TMEM132C: variants seen among roughly 807,000 people sequenced by gnomAD.
The protein encoded by TMEM132C is transmembrane protein 132C.
TMEM132C carries 29 observed loss-of-function variants against 61.4 expected under a neutral mutation model. That is an observed-to-expected ratio of 0.47 (90% CI 0.35 to 0.64). TMEM132C has a LOEUF of 0.64. Ranked by LOEUF, TMEM132C falls within the 30% of genes least tolerant of loss-of-function variation. The pLI is 0.00. For missense variants in TMEM132C, 1,408 were observed against 1,476.9 expected (o/e 0.95, Z 0.76); for synonymous variants, 656 against 633.1 (o/e 1.04, Z -0.54).
At chr12:128,309,718 CT>C (rs1207171500) in intron 1 of TMEM132C, among the ~76,000 whole-genome samples, 4 of 150,938 alleles carry the variant, frequency 2.7e-5, no homozygotes, top group East Asian at 1.9e-4. Flanking sequence ...CTCTTCATTC[CT>C]TTTTTTCTTT....
chr12:128,350,557 G>A (rs1203231603), intron 1 of TMEM132C, among the ~76,000 whole-genome samples: 1 of 152,100 alleles, frequency 6.6e-6, no homozygotes, highest in African/African-American at 2.4e-5. Flanking sequence ...GTGCATTGGA[G>A]GAAGAGCAAC....
chr12:128,445,727 TG>T (rs1869958487), intron 2 of TMEM132C, among the ~76,000 whole-genome samples: 1 of 152,220 alleles, frequency 6.6e-6, no homozygotes, highest in South Asian at 2.1e-4. Flanking sequence ...TCTCTTTCAG[TG>T]CCCTGGCACT....
chr12:128,401,371 C>G (rs1875151874), intron 1 of TMEM132C, among the ~76,000 whole-genome samples: 1 of 151,750 alleles, frequency 6.6e-6, no homozygotes, highest in Admixed American at 6.6e-5. Flanking sequence ...GTATAGTGCT[C>G]TGTCATAGGC....
At chr12:128,458,492 C>T (rs771930034) in intron 2 of TMEM132C, among the ~76,000 whole-genome samples, 3 of 151,944 alleles carry the variant, frequency 2.0e-5, no homozygotes, top group Admixed American at 6.6e-5. Context: ...GTGCTGGGGA[C>T]GCAGGATTCC....
chr12:128,449,728 A>T (rs1457988518), intron 2 of TMEM132C, among the ~76,000 whole-genome samples: 2 of 152,120 alleles, frequency 1.3e-5, no homozygotes, highest in African/African-American at 4.8e-5. Context: ...TTGTCTCAAA[A>T]ATAGCAGTGG....
intron 3 of TMEM132C, among the ~76,000 whole-genome samples, chr12:128,571,628 C>T (rs1162312528): frequency 6.6e-6 from 1 of 152,118 alleles, no homozygotes; most frequent in African/African-American, 2.4e-5. Flanking sequence ...CTAAGCACCT[C>T]GTGTAAGAGG....
rs1870328287 is a variant in TMEM132C, at chr12:128,267,175, G to A, written c.-228G>A. ...AGGCTGCGGAGGCTGCGGGAGAAAA[G>A]TTGTCCCGGCCGGAGCGCGAGCAGC... On this transcript the variant is annotated 5_prime_UTR_variant, in exon 1 of 9. Transcript: ENST00000435159. Among the ~76,000 whole-genome samples the A allele has an allele frequency of 6.8e-6, 1 of 146,888 alleles. No individual in the cohort carries two copies. Among genetic ancestry groups the A allele is most frequent in the Non-Finnish European group, 1.5e-5 (1 of 65,976 alleles).
At chr12:128,551,290 A>C (rs1324668140) in intron 3 of TMEM132C, among the ~76,000 whole-genome samples, 1 of 151,782 alleles carries the variant, frequency 6.6e-6, no homozygotes, top group Non-Finnish European at 1.5e-5. Context: ...CTGTCAAGCA[A>C]AACAGCTGTT....
chr12:128,483,871 G>T (rs552457166), intron 2 of TMEM132C, among the ~76,000 whole-genome samples: 4 of 151,964 alleles, frequency 2.6e-5, no homozygotes, highest in African/African-American at 9.7e-5. Context: ...AGATTTAAAC[G>T]ACATTAAAAA....
At chr12:128,382,428 A>G (rs974605380) in intron 1 of TMEM132C, among the ~76,000 whole-genome samples, 1 of 152,236 alleles carries the variant, frequency 6.6e-6, no homozygotes, top group African/African-American at 2.4e-5. Flanking sequence ...TCCCCTGAGC[A>G]CTTGAACCAT....
chr12:128,544,074 C>G lies in TMEM132C; in HGVS notation c.1092C>G (p.Cys364Trp). Residue 364 changes from cysteine (C) to tryptophan (W), a missense_variant, in exon 3 of 9, where the codon TGC (cysteine) becomes TGG (tryptophan). Transcript: ENST00000435159. ...AGCACGTGACGGCCACCGTGGCCTG[C>G]CAGCGCCTGGGGCCCAGCCCACGCA... ...GGKHVTATVA[C>W]QRLGPSPRNR... The G allele has an allele frequency of 6.5e-7, 1 of 1,543,170 alleles. No homozygotes were observed. The highest frequency in any genetic ancestry group is 8.7e-7 in the Non-Finnish European group (1 of 1,143,026).
At chr12:128,351,947 T>C (rs1373759383) in intron 1 of TMEM132C, among the ~76,000 whole-genome samples, 2 of 152,092 alleles carry the variant, frequency 1.3e-5, no homozygotes, top group Non-Finnish European at 2.9e-5. Context: ...GGCTGAGAAG[T>C]CCCAAGATCT....
At chr12:128,697,474 A>T (rs1390132641) in intron 8 of TMEM132C, 59 bp downstream of exon 8, 1 of 1,455,902 alleles carries the variant, frequency 6.9e-7, no homozygotes, top group African/African-American at 1.4e-5. Flanking sequence ...TGCCTGCTTC[A>T]GCAAAGGGGC....
At chr12:128,303,171 A>C (rs545804012) in intron 1 of TMEM132C, among the ~76,000 whole-genome samples, 1 of 152,352 alleles carries the variant, frequency 6.6e-6, no homozygotes, top group East Asian at 1.9e-4. Flanking sequence ...GTGTTAAAAC[A>C]AAAGGAATTA....
chr12:128,587,168 A>G (rs1875578957), intron 3 of TMEM132C, among the ~76,000 whole-genome samples: 2 of 152,244 alleles, frequency 1.3e-5, no homozygotes, highest in African/African-American at 4.8e-5. Context: ...CTTATTGCCC[A>G]AAGTATTACA....
chr12:128,585,137 G>A lies in TMEM132C; in HGVS notation c.1122-31015G>A, dbSNP rs144288546. 1.3e-3 allele frequency among the ~76,000 whole-genome samples: 202 copies of A among 152,372 alleles called. 1 individual carries two copies. In the South Asian group the frequency reaches 0.019, roughly 14 times the overall value. On this transcript the variant is annotated intron_variant, in intron 3 of 8. Transcript: ENST00000435159. The stretch of plus-strand genomic sequence containing the variant: ...TGAAACGTCTCTACACGTACAGGCC[G>A]TGGCTACTTTTTTGAACACTATGTT...
At chr12:128,610,476 T>G (rs1876594633) in intron 3 of TMEM132C, among the ~76,000 whole-genome samples, 1 of 152,208 alleles carries the variant, frequency 6.6e-6, no homozygotes, top group African/African-American at 2.4e-5. Flanking sequence ...TTCATTTGCT[T>G]TTGAGTAAGA....
chr12:128,414,781 G>A lies in TMEM132C; in HGVS notation c.135G>A (p.Leu45=). The A allele has an allele frequency of 6.5e-7, 1 of 1,539,504 alleles. No individual in the cohort carries two copies. ...VTDNIQRFSS[L]PPYLPVSYHI... is the part of the protein sequence containing the mutation. ...ACAACATACAGAGATTCTCCTCACTGCCACCTTACCTACCTGTGAGCTACC... is the reference window on the plus strand; with the variant it reads ...ACAACATACAGAGATTCTCCTCACTACCACCTTACCTACCTGTGAGCTACC... Residue 45 remains leucine, a synonymous_variant, in exon 2 of 9, where the codon CTG becomes CTA. Transcript: ENST00000435159.
intron 4 of TMEM132C, among the ~76,000 whole-genome samples, chr12:128,646,575 C>T (rs180953062): frequency 8.3e-5 from 12 of 144,548 alleles, no homozygotes; most frequent in Non-Finnish European, 1.3e-4. Flanking sequence ...AGTGTGTTTA[C>T]TGGAGTCCAT....
Sources: allele counts gnomAD v4.1 joint callset (sites outside exome capture counted in the v4.1 genomes callset), GRCh38; gene constraint gnomAD v4.1.1; transcripts MANE v1.5; gene names NCBI Gene and HGNC (gene_info 2026-07-23, HGNC 2026-07-21).